Variants in TMEM86B observed in about 807,000 individuals in gnomAD.
TMEM86B encodes the protein lysoplasmalogenase TMEM86B.
Under a neutral mutation model 12.3 loss-of-function variants are expected in TMEM86B, and 15 were observed. The ratio of observed to expected loss-of-function variants is 1.22; its 90% confidence interval spans 0.81 to 1.87. The LOEUF (loss-of-function observed/expected upper bound fraction) is 1.87, where lower values mean the gene tolerates loss of function less well. Ranked by LOEUF, TMEM86B falls within the 40% of genes most tolerant of loss-of-function variation. TMEM86B has a pLI of 0.00. For synonymous variants in TMEM86B, 173 were observed against 140.3 expected (o/e 1.23, Z -1.65); for missense variants, 328 against 297.4 (o/e 1.10, Z -0.76).
At position 55,226,871 on chromosome 19, in the gene TMEM86B, G is replaced by C; in HGVS notation, c.*310C>G. The C allele has an allele frequency of 3.2e-6, 1 of 313,688 alleles. No homozygotes were observed. Among genetic ancestry groups the C allele is most frequent in the Middle Eastern group, 8.4e-4 (1 of 1,190 alleles). The allele number at this position is 313,688 out of a possible 1,614,324, so 19.4% of individuals were successfully genotyped here. A position where few individuals can be genotyped will look rare whatever the true frequency, so the allele number is the denominator to read the frequency against. On this transcript the variant is annotated 3_prime_UTR_variant, in exon 3 of 3. Transcript: ENST00000327042. ...CGGATTCAGAGCAGCAGCAGGGGGC[G>C]GGCAGGCTGTGGGGCCGACAGTGAA...
rs770080101 is a variant in TMEM86B, at chr19:55,227,294, T to G, written c.568A>C (p.Thr190Pro). The change falls in exon 3 of 3, where the codon ACC becomes CCC. Residue 190 changes from threonine (T) to proline (P), a missense_variant. Coordinates refer to ENST00000327042, the MANE Select transcript of TMEM86B (RefSeq NM_173804.5). ...TLSDGVLAWDTFAQPLPHAHL... is the reference protein window; with the variant it reads ...TLSDGVLAWDPFAQPLPHAHL... ...GCATGGGGCAGGGGCTGGGCGAAGG[T>G]GTCCCAGGCCAGCACGCCATCAGAG... 1 of 1,608,608 alleles carries G rather than the reference T, an allele frequency of 6.2e-7. No individual in the cohort carries two copies. The highest frequency in any genetic ancestry group is 1.7e-5 in the Admixed American group (1 of 59,718).
Position 55,228,179 on chromosome 19 carries a change from CCTTCCACTCA to C in TMEM86B, c.298+2_298+11del. Reference sequence around the variant, plus strand: ...CGGGCATCTGGAAAGCGTCACAGCACCTTCCACTCACCAGGGACGAAGGCTGCCGGCCAGA... The same window carrying C: ...CGGGCATCTGGAAAGCGTCACAGCACCCAGGGACGAAGGCTGCCGGCCAGA... On this transcript the variant is annotated splice_donor_variant and splice_donor_5th_base_variant and intron_variant, in intron 2 of 2. Coordinates refer to ENST00000327042, the MANE Select transcript of TMEM86B (RefSeq NM_173804.5). LOFTEE classifies it high-confidence loss of function. 6.2e-7 allele frequency: 1 copy of C among 1,604,754 alleles called. No individual in the cohort carries two copies. The highest frequency in any genetic ancestry group is 8.5e-7 in the Non-Finnish European group (1 of 1,176,588).
At chr19:55,228,581 A>C in intron 1 of TMEM86B, 110 bp downstream of exon 1, 1 of 1,523,184 alleles carries the variant, frequency 6.6e-7, no homozygotes, top group East Asian at 2.4e-5. Flanking sequence ...GCCAGAACCC[A>C]GCTTCCCAGG....
chr19:55,227,013 C>T lies in TMEM86B; in HGVS notation c.*168G>A. The T allele has an allele frequency of 1.3e-6, 1 of 740,740 alleles. No individual in the cohort carries two copies. The highest frequency in any genetic ancestry group is 3.3e-5 in the East Asian group (1 of 30,452). 45.9% of individuals were successfully genotyped at this position (740,740 alleles called of 1,614,324 possible). A position where few individuals can be genotyped will look rare whatever the true frequency, so the allele number is the denominator to read the frequency against. The stretch of plus-strand genomic sequence containing the variant: ...ACCCAGTAGTGGACTTGGAATTCCG[C>T]AAATCGTCCTCAAACGTCTTCAGCC... On this transcript the variant is annotated 3_prime_UTR_variant, in exon 3 of 3. Transcript: ENST00000327042.
rs2087301588 is a variant in TMEM86B, at chr19:55,228,194, GGAC to G, written c.292_294del (p.Val98del). 1 of 1,609,368 alleles carries G rather than the reference GGAC, an allele frequency of 6.2e-7. No homozygotes were observed. Among genetic ancestry groups the G allele is most frequent in the East Asian group, 2.2e-5 (1 of 44,828 alleles). On this transcript the variant is annotated inframe_deletion, in exon 2 of 3. Coordinates refer to ENST00000327042, the MANE Select transcript of TMEM86B (RefSeq NM_173804.5). ...CGTCACAGCACCTTCCACTCACCAG[GGAC>G]GAAGGCTGCCGGCCAGATGAGGCAA...
Position 55,227,159 on chromosome 19 carries a change from A to G in TMEM86B, c.*22T>C, listed in dbSNP as rs138557709. 519 of 1,460,152 alleles carry G rather than the reference A, an allele frequency of 3.6e-4. 4 individuals are homozygous for G. The African/African-American group carries it at 6.4e-3, about 18-fold the overall frequency. 90.4% of individuals were successfully genotyped at this position (1,460,152 alleles called of 1,614,324 possible). A position where few individuals can be genotyped will look rare whatever the true frequency, so the allele number is the denominator to read the frequency against. On this transcript the variant is annotated 3_prime_UTR_variant, in exon 3 of 3. Transcript: ENST00000327042. ...CCTTGCAGGAGGAGAGGGCCTGAAC[A>G]CCGGCCCTTCAAGCTCCCTAGTCAG...
In TMEM86B at chr19:55,227,359, T is replaced by C; in HGVS notation, c.503A>G (p.Gln168Arg). 1 of 1,603,040 alleles carries C rather than the reference T, an allele frequency of 6.2e-7. No individual in the cohort carries two copies. The highest frequency in any genetic ancestry group is 1.1e-5 in the South Asian group (1 of 89,746). The change falls in exon 3 of 3, where the codon CAG becomes CGG. Residue 168 changes from glutamine (Q) to arginine (R), a missense_variant. Physicochemically the swap from Gln to Arg is conservative, Grantham distance 43. Coordinates refer to ENST00000327042, the MANE Select transcript of TMEM86B (RefSeq NM_173804.5). Reference sequence around the variant, plus strand: ...CGCGCCCCAGCCGGCACTCCCGCCCTGGGCCAGGCCGCGCCACAGCATGGC... The same window carrying C: ...CGCGCCCCAGCCGGCACTCCCGCCCCGGGCCAGGCCGCGCCACAGCATGGC... ...LMAMLWRGLA[Q>R]GGSAGWGALL...
In TMEM86B at chr19:55,227,187, A is replaced by G. The variant is rs368495499; in HGVS notation, c.675T>C (p.Thr225=). Residue 225 remains threonine, a synonymous_variant, in exon 3 of 3, where the codon ACT becomes ACC. Coordinates refer to ENST00000327042, the MANE Select transcript of TMEM86B (RefSeq NM_173804.5). ...GGCCCTTCAAGCTCCCTAGTCAGTC[A>G]GTCTTGGGCACCGGGCTCCTGAGGG... ...LSALRSPVPK[T]D is the part of the protein sequence containing the mutation. 372 of 1,499,000 alleles carry G rather than the reference A, an allele frequency of 2.5e-4. 1 individual carries two copies. The highest frequency in any genetic ancestry group is 3.2e-4 in the Non-Finnish European group (358 of 1,118,512). The allele number at this position is 1,499,000 out of a possible 1,614,324, so 92.9% of individuals were successfully genotyped here. A position where few individuals can be genotyped will look rare whatever the true frequency, so the allele number is the denominator to read the frequency against.
At chr19:55,228,465 G>T (rs199755006) in intron 1 of TMEM86B, 28 bp from the exon 2 acceptor site, 1 of 1,606,368 alleles carries the variant, frequency 6.2e-7, no homozygotes, top group South Asian at 1.1e-5. Flanking sequence ...CTACTGAGCC[G>T]AAACCCAGCC....
At position 55,228,405 on chromosome 19, in the gene TMEM86B, G is replaced by A. The variant is rs1360480175; in HGVS notation, c.84C>T (p.Phe28=). The change falls in exon 2 of 3, where the codon TTC becomes TTT. Residue 28 remains phenylalanine, a synonymous_variant. Transcript: ENST00000327042. ...AGAAGTACACGCAGCAGGAGAGGAT[G>A]AAGGGGCTCAGCCACCTGCAGACAT... ...RPDVCRWLSP[F]ILSCCVYFCL... is the part of the protein sequence containing the mutation. The A allele has an allele frequency of 1.2e-6, 2 of 1,613,326 alleles. No homozygotes were observed. Among genetic ancestry groups the A allele is most frequent in the Non-Finnish European group, 1.7e-6 (2 of 1,180,032 alleles).
In TMEM86B at chr19:55,228,678, A is replaced by C. The variant is rs775199240; in HGVS notation, c.51+13T>G. 2 of 1,611,298 alleles carry C rather than the reference A, an allele frequency of 1.2e-6. No individual in the cohort carries two copies. Among genetic ancestry groups the C allele is most frequent in the African/African-American group, 2.7e-5 (2 of 74,842 alleles). ...GTCCCCCCAGCCCCAGGCACAGCTC[A>C]GAAGGCTCTCACCTGGGCTGAGCAG... is the stretch of plus-strand genomic sequence containing the variant. On this transcript the variant is annotated intron_variant, in intron 1 of 2. Coordinates refer to ENST00000327042, the MANE Select transcript of TMEM86B (RefSeq NM_173804.5).
At position 55,228,401 on chromosome 19, in the gene TMEM86B, G is replaced by A. The variant is rs760607278; in HGVS notation, c.88C>T (p.Leu30Phe). 2 of 1,613,388 alleles carry A rather than the reference G, an allele frequency of 1.2e-6. No homozygotes were observed. Among genetic ancestry groups the A allele is most frequent in the African/African-American group, 2.7e-5 (2 of 74,942 alleles). The change falls in exon 2 of 3, where the codon CTC becomes TTC. Residue 30 changes from leucine (L) to phenylalanine (F), a missense_variant. By Grantham distance (22) the Leu-to-Phe change is conservative. Coordinates refer to ENST00000327042, the MANE Select transcript of TMEM86B (RefSeq NM_173804.5). Reference sequence around the variant, plus strand: ...AGGCAGAAGTACACGCAGCAGGAGAGGATGAAGGGGCTCAGCCACCTGCAG... The same window carrying A: ...AGGCAGAAGTACACGCAGCAGGAGAAGATGAAGGGGCTCAGCCACCTGCAG... ...DVCRWLSPFI[L>F]SCCVYFCLWI...
chr19:55,228,521 C>T (rs1568940739), intron 1 of TMEM86B, 84 bp from the exon 2 acceptor site: 2 of 1,566,710 alleles, frequency 1.3e-6, no homozygotes, highest in Non-Finnish European at 1.7e-6. Context: ...CTGTCCCACC[C>T]CCACCTGGGA....
At position 55,228,763 on chromosome 19, in the gene TMEM86B, C is replaced by T. The variant is rs372973416; in HGVS notation, c.-22G>A. 15 of 1,611,880 alleles carry T rather than the reference C, an allele frequency of 9.3e-6. No individual in the cohort carries two copies. In the African/African-American group the frequency reaches 1.1e-4, roughly 11 times the overall value. On this transcript the variant is annotated 5_prime_UTR_variant, in exon 1 of 3. Transcript: ENST00000327042. Reference sequence around the variant, plus strand: ...CCATGCTGGCCTGATAGCCCCAGAGCGACCTAATCTGGGAGCGAGTGGCTT... The same window carrying T: ...CCATGCTGGCCTGATAGCCCCAGAGTGACCTAATCTGGGAGCGAGTGGCTT...
At chr19:55,228,057 T>G in intron 2 of TMEM86B, 134 bp downstream of exon 2, 1 of 1,412,932 alleles carries the variant, frequency 7.1e-7, no homozygotes, top group Non-Finnish European at 9.3e-7. Flanking sequence ...GCTGCCTCGG[T>G]CACGGCTGCG....
Position 55,227,556 on chromosome 19 carries a change from G to T in TMEM86B, c.306C>A (p.Ala102=). ...AGAGGAGGTGGGCGGTGGCAAAGGC[G>T]GCCATGCCTGGCGGGAGAGGGGTGG... ...IWPAAFVPGM[A]AFATAHLLYV... is the part of the protein sequence containing the mutation. Residue 102 remains alanine, a synonymous_variant, in exon 3 of 3, where the codon GCC becomes GCA. Coordinates refer to ENST00000327042, the MANE Select transcript of TMEM86B (RefSeq NM_173804.5). The T allele has an allele frequency of 6.6e-7, 1 of 1,526,492 alleles. No individual in the cohort carries two copies. Among genetic ancestry groups the T allele is most frequent in the Non-Finnish European group, 8.8e-7 (1 of 1,131,920 alleles). The allele number at this position is 1,526,492 out of a possible 1,614,324, so 94.6% of individuals were successfully genotyped here.
Position 55,228,223 on chromosome 19 carries a change from G to GC in TMEM86B, c.265dup (p.Ala89GlyfsTer95). On this transcript the variant is annotated frameshift_variant, in exon 2 of 3. Transcript: ENST00000327042. LOFTEE classifies it low-confidence loss of function (END_TRUNC). ...GAAGGCTGCCGGCCAGATGAGGCAA[G>GC]CGTCCCCCACAGCCGAGCACACAAG... 1.2e-6 allele frequency: 2 copies of GC among 1,611,868 alleles called. No individual in the cohort carries two copies. Among genetic ancestry groups the GC allele is most frequent in the Non-Finnish European group, 1.7e-6 (2 of 1,179,530 alleles).
chr19:55,227,662 C>T (rs1340540078), intron 2 of TMEM86B, 99 bp from the exon 3 acceptor site: 13 of 1,399,396 alleles, frequency 9.3e-6, no homozygotes, highest in Non-Finnish European at 1.2e-5. Context: ...TCCCAGAGCA[C>T]CAGGCCCCAC....
chr19:55,227,806 G>A (rs958287397), intron 2 of TMEM86B: 6 of 615,486 alleles, frequency 9.7e-6, no homozygotes, highest in African/African-American at 1.8e-5. Flanking sequence ...CTCTGCGCCA[G>A]CCACCCTGGC....
Sources: gnomAD v4.1 joint callset for allele counts on GRCh38, gnomAD v4.1.1 for gene constraint, MANE v1.5 for transcripts, NCBI Gene and HGNC (gene_info 2026-07-23, HGNC 2026-07-21) for gene names.